Variants in GFOD1 observed in about 807,000 individuals in gnomAD.
The protein encoded by GFOD1 is Gfo/Idh/MocA-like oxidoreductase domain containing 1.
Under a neutral mutation model 25.4 loss-of-function variants are expected in GFOD1, and 9 were observed. The observed-to-expected ratio is 0.35, with a 90% confidence interval of 0.21 to 0.62. The LOEUF (loss-of-function observed/expected upper bound fraction) is 0.62, where lower values mean the gene tolerates loss of function less well. Ranked by LOEUF, GFOD1 falls within the 20% of genes least tolerant of loss-of-function variation. The pLI is 0.72. For missense variants in GFOD1, 403 were observed against 556.9 expected, an observed-to-expected ratio of 0.72 and a Z score of 2.78; for synonymous variants, 253 against 245.6, an observed-to-expected ratio of 1.03 and a Z score of -0.28.
rs1414756533 is a variant in GFOD1 at position 13,361,000 on chromosome 6, A to G, written c.*3743T>C. 2 of 383,112 alleles carry G rather than the reference A, an allele frequency of 5.2e-6. No homozygotes were observed. Among genetic ancestry groups the G allele is most frequent in the Non-Finnish European group, 1.0e-5 (2 of 192,352 alleles). The allele number at this position is 383,112 out of a possible 1,614,324, so 23.7% of individuals were successfully genotyped here. The stretch of plus-strand genomic sequence containing the variant: ...TTACTGCCTCCATTTTCTCATGTGT[A>G]TAAAAGAAATAGCAATACCCAACAC... On this transcript the variant is annotated 3_prime_UTR_variant, in exon 2 of 2. Transcript: ENST00000379287.
At chr6:13,428,156 G>A (rs1562216115) in intron 1 of GFOD1, among the ~76,000 whole-genome samples, 1 of 152,148 alleles carries the variant, frequency 6.6e-6, no homozygotes. Flanking sequence ...TATCAACCAT[G>A]TGTGAATTTT....
At chr6:13,418,368 T>G (rs9370100) in intron 1 of GFOD1, among the ~76,000 whole-genome samples, 131,100 of 152,210 alleles carry the variant, frequency 0.86, 57,820 homozygotes, top group East Asian at 0.97. Context: ...TCTGGGCACA[T>G]GGTCTGATTG....
chr6:13,373,741 A>AACAC (rs10530031), intron 1 of GFOD1, among the ~76,000 whole-genome samples: 16,087 of 129,366 alleles, frequency 0.12, 1,023 homozygotes, highest in Middle Eastern at 0.24. Context: ...CTGCTCCCCC[A>AACAC]ACACACACAC....
chr6:13,406,934 T>G (rs1562208482), intron 1 of GFOD1, among the ~76,000 whole-genome samples: 5 of 152,224 alleles, frequency 3.3e-5, no homozygotes, highest in Admixed American at 3.3e-4. Context: ...TCATTTCAGC[T>G]GGACCCATGG....
chr6:13,407,463 G>A (rs767780978), intron 1 of GFOD1, among the ~76,000 whole-genome samples: 1 of 152,068 alleles, frequency 6.6e-6, no homozygotes, highest in Non-Finnish European at 1.5e-5. Flanking sequence ...ATTTTCTTCT[G>A]TATGCTGCCT....
intron 1 of GFOD1, among the ~76,000 whole-genome samples, chr6:13,384,895 G>C (rs1369988136): frequency 1.3e-5 from 2 of 152,190 alleles, no homozygotes; most frequent in Non-Finnish European, 2.9e-5. Flanking sequence ...TTGCCCATGA[G>C]GTTGGGGCTC....
chr6:13,441,230 G>A (rs1757910139), intron 1 of GFOD1, among the ~76,000 whole-genome samples: 1 of 152,138 alleles, frequency 6.6e-6, no homozygotes, highest in Admixed American at 6.5e-5. Flanking sequence ...GGTCCACCCT[G>A]GACATCTGCC....
chr6:13,432,228 C>CTT (rs537723348), intron 1 of GFOD1, among the ~76,000 whole-genome samples: 12 of 141,428 alleles, frequency 8.5e-5, no homozygotes, highest in Middle Eastern at 3.6e-3. Context: ...CTTTTCTTTT[C>CTT]TTTTTTTTTT....
chr6:13,436,088 G>A (rs1188764542), intron 1 of GFOD1, among the ~76,000 whole-genome samples: 1 of 152,164 alleles, frequency 6.6e-6, no homozygotes, highest in Non-Finnish European at 1.5e-5. Context: ...CCAAGAAGGG[G>A]AGTTGGGTGA....
chr6:13,429,174 A>G (rs1231920748), intron 1 of GFOD1, among the ~76,000 whole-genome samples: 1 of 152,196 alleles, frequency 6.6e-6, no homozygotes, highest in Non-Finnish European at 1.5e-5. Flanking sequence ...AAAAGACTGG[A>G]GCTATCTCAT....
chr6:13,400,578 C>T (rs1161183252), intron 1 of GFOD1, among the ~76,000 whole-genome samples: 10 of 152,188 alleles, frequency 6.6e-5, no homozygotes, highest in East Asian at 1.9e-4. Flanking sequence ...AGGAGTAATT[C>T]GAAGCAGATA....
At chr6:13,382,764 G>A (rs775014018) in intron 1 of GFOD1, among the ~76,000 whole-genome samples, 2 of 152,238 alleles carry the variant, frequency 1.3e-5, no homozygotes, top group East Asian at 3.9e-4. Context: ...TCAACTCATC[G>A]CCTAGGTATT....
chr6:13,401,704 G>T (rs1030671257), intron 1 of GFOD1, among the ~76,000 whole-genome samples: 1 of 152,058 alleles, frequency 6.6e-6, no homozygotes, highest in African/African-American at 2.4e-5. Context: ...GACATCCTGC[G>T]TCCATGGATC....
rs1415817266 is a variant in GFOD1, at chr6:13,359,675, A to G, written c.*5068T>C. 4.6e-5 allele frequency: 7 copies of G among 152,374 alleles called. No homozygotes were observed. In the South Asian group the frequency reaches 1.2e-3, roughly 27 times the overall value. 9.4% of individuals were successfully genotyped at this position (152,374 alleles called of 1,614,324 possible). On this transcript the variant is annotated 3_prime_UTR_variant, in exon 2 of 2. Coordinates refer to ENST00000379287, the MANE Select transcript of GFOD1 (RefSeq NM_018988.4). Reference sequence around the variant, plus strand: ...TAAAAAATGGATTTCCCGGCTGGGCACGGTGGATCACGCCTGTCATCCCAG... The same window carrying G: ...TAAAAAATGGATTTCCCGGCTGGGCGCGGTGGATCACGCCTGTCATCCCAG...
chr6:13,458,604 G>A (rs1446175304), intron 1 of GFOD1, among the ~76,000 whole-genome samples: 2 of 151,648 alleles, frequency 1.3e-5, no homozygotes, highest in African/African-American at 4.8e-5. Flanking sequence ...AACTCTCTAA[G>A]CCCCATTTTC....
At chr6:13,390,556 T>A (rs1785568436) in intron 1 of GFOD1, among the ~76,000 whole-genome samples, 1 of 151,918 alleles carries the variant, frequency 6.6e-6, no homozygotes, top group Non-Finnish European at 1.5e-5. Flanking sequence ...CGAAACCTCA[T>A]CTCTACCAAA....
intron 1 of GFOD1, among the ~76,000 whole-genome samples, chr6:13,377,022 T>TG (rs1584612679): frequency 6.6e-6 from 1 of 152,044 alleles, no homozygotes; most frequent in Admixed American, 6.5e-5. Flanking sequence ...AGATATGTTT[T>TG]TTTTTTTTTT....
intron 1 of GFOD1, among the ~76,000 whole-genome samples, chr6:13,375,253 C>A (rs991483595): frequency 1.3e-5 from 2 of 152,182 alleles, no homozygotes; most frequent in African/African-American, 4.8e-5. Context: ...TCTCTTAAGG[C>A]TGGCTAGGTT....
At chr6:13,427,193 A>AT (rs1757655132) in intron 1 of GFOD1, among the ~76,000 whole-genome samples, 1 of 152,180 alleles carries the variant, frequency 6.6e-6, no homozygotes, top group East Asian at 1.9e-4. Flanking sequence ...GTCTTCCCAA[A>AT]ACTGAAGGCC....
Sources: gnomAD v4.1 joint callset for allele counts (sites outside exome capture counted in the v4.1 genomes callset) on GRCh38, gnomAD v4.1.1 for gene constraint, MANE v1.5 for transcripts, NCBI Gene and HGNC (gene_info 2026-07-23, HGNC 2026-07-21) for gene names.